The following FRMD4A variants were observed in gnomAD, a reference collection of about 807,000 sequenced individuals.
The protein encoded by FRMD4A is FERM domain-containing protein 4A.
Under a neutral mutation model 129.1 loss-of-function variants are expected in FRMD4A, and 29 were observed. That is an observed-to-expected ratio of 0.22 (90% confidence interval 0.17 to 0.31). The LOEUF (loss-of-function observed/expected upper bound fraction) is 0.31, where lower values mean the gene tolerates loss of function less well. Among genes scored for constraint, FRMD4A ranks in the 10% least tolerant of loss-of-function variants. The pLI, the probability that FRMD4A is intolerant of heterozygous loss-of-function variation, is 1.00. For synonymous variants in FRMD4A, 634 were observed against 571.6 expected (o/e 1.11, Z -1.56); for missense variants, 1,272 against 1,375.8 (o/e 0.92, Z 1.19).
chr10:13,822,347 G>A (rs539014570), intron 3 of FRMD4A, among the ~76,000 whole-genome samples: 2 of 152,282 alleles, frequency 1.3e-5, no homozygotes, highest in South Asian at 2.1e-4. Context: ...TTCAGATCTA[G>A]CAAATAACAG....
chr10:13,761,200 T>G (rs918166308), intron 8 of FRMD4A, among the ~76,000 whole-genome samples: 23 of 152,362 alleles, frequency 1.5e-4, no homozygotes, highest in African/African-American at 4.6e-4. Flanking sequence ...TTGTAACATT[T>G]TCACGAATGA....
intron 2 of FRMD4A, among the ~76,000 whole-genome samples, chr10:14,071,356 A>T (rs901548651): frequency 1.3e-5 from 2 of 152,244 alleles, no homozygotes; most frequent in Non-Finnish European, 2.9e-5. Flanking sequence ...AACAGAGTTC[A>T]TATTAACAGT....
rs752915646 is a variant in FRMD4A at position 13,737,810 on chromosome 10, G to C, written c.759+34C>G. 3.5e-6 allele frequency: 4 copies of C among 1,152,822 alleles called. No homozygotes were observed. In the East Asian group the frequency reaches 7.0e-5, roughly 20 times the overall value. 71.4% of individuals were successfully genotyped at this position (1,152,822 alleles called of 1,614,324 possible). A position where few individuals can be genotyped will look rare whatever the true frequency, so the allele number is the denominator to read the frequency against. On this transcript the variant is annotated intron_variant, in intron 12 of 24. Transcript: ENST00000357447. Reference sequence around the variant, plus strand: ...TACGCCTGTTCCTCTCTGGATCTGAGAGGAGTTAAACCCAAGCAGGAGACC... The same window carrying C: ...TACGCCTGTTCCTCTCTGGATCTGACAGGAGTTAAACCCAAGCAGGAGACC...
chr10:13,777,028 T>G (rs527504965), intron 6 of FRMD4A, among the ~76,000 whole-genome samples: 60 of 152,340 alleles, frequency 3.9e-4, no homozygotes, highest in Non-Finnish European at 7.4e-4. Flanking sequence ...CCTTATAACA[T>G]CCTTGCTCAA....
chr10:13,880,429 G>C (rs2094533866), intron 2 of FRMD4A, among the ~76,000 whole-genome samples: 1 of 152,150 alleles, frequency 6.6e-6, no homozygotes, highest in Non-Finnish European at 1.5e-5. Flanking sequence ...GTCATCATTT[G>C]TCTGGATTCT....
At chr10:13,926,291 G>T (rs1035855851) in intron 2 of FRMD4A, among the ~76,000 whole-genome samples, 10 of 152,196 alleles carry the variant, frequency 6.6e-5, no homozygotes, top group African/African-American at 2.4e-4. Context: ...GGGGTTATTT[G>T]CAGCCAGACT....
At chr10:14,173,917 A>G (rs1201313430) in intron 2 of FRMD4A, among the ~76,000 whole-genome samples, 2 of 151,804 alleles carry the variant, frequency 1.3e-5, no homozygotes, top group African/African-American at 4.8e-5. Flanking sequence ...CTAGTTCTGA[A>G]ATGAGACAAA....
intron 2 of FRMD4A, among the ~76,000 whole-genome samples, chr10:14,182,726 C>A (rs1841954184): frequency 6.6e-6 from 1 of 152,164 alleles, no homozygotes; most frequent in Non-Finnish European, 1.5e-5. Context: ...CGACCGGGGG[C>A]TCTGCCCTGA....
chr10:14,169,750 C>T (rs1589119540), intron 2 of FRMD4A, among the ~76,000 whole-genome samples: 2 of 152,206 alleles, frequency 1.3e-5, no homozygotes, highest in Middle Eastern at 3.4e-3. Context: ...TTAATCTAAA[C>T]CTGTCATTCT....
At chr10:14,131,505 A>G (rs1472221902) in intron 2 of FRMD4A, among the ~76,000 whole-genome samples, 1 of 151,788 alleles carries the variant, frequency 6.6e-6, no homozygotes, top group Non-Finnish European at 1.5e-5. Flanking sequence ...CTGTCGGGAA[A>G]GACACAGATT....
intron 2 of FRMD4A, among the ~76,000 whole-genome samples, chr10:14,214,723 A>G (rs1843022589): frequency 6.6e-6 from 1 of 152,138 alleles, no homozygotes; most frequent in Non-Finnish European, 1.5e-5. Context: ...TATATTTCCC[A>G]TGTGCCTAGA....
chr10:13,875,095 T>C (rs1277605399), intron 2 of FRMD4A, among the ~76,000 whole-genome samples: 2 of 152,014 alleles, frequency 1.3e-5, no homozygotes, highest in African/African-American at 2.4e-5. Context: ...GGAGAGAACA[T>C]AGAATGTTCT....
intron 12 of FRMD4A, among the ~76,000 whole-genome samples, chr10:13,734,554 C>G (rs540321226): frequency 6.6e-6 from 1 of 152,266 alleles, no homozygotes; most frequent in Admixed American, 6.5e-5. Context: ...TGGCCTCTCC[C>G]CTGCATGCCT....
At position 14,330,658 on chromosome 10, in the gene FRMD4A, A is replaced by G; in HGVS notation, c.-143T>C. 1 of 397,684 alleles carries G rather than the reference A, an allele frequency of 2.5e-6. No individual in the cohort carries two copies. The highest frequency in any genetic ancestry group is 4.4e-6 in the Non-Finnish European group (1 of 225,892). 24.6% of individuals were successfully genotyped at this position (397,684 alleles called of 1,614,324 possible). On this transcript the variant is annotated 5_prime_UTR_variant, in exon 1 of 25. Transcript: ENST00000357447. Reference sequence around the variant, plus strand: ...TAGGTGTGTCCCTTTTTGCAAAATCAGATATCTGGGAGTGAGACAGCCGAG... The same window carrying G: ...TAGGTGTGTCCCTTTTTGCAAAATCGGATATCTGGGAGTGAGACAGCCGAG...
chr10:14,186,280 T>C (rs1187596021), intron 2 of FRMD4A, among the ~76,000 whole-genome samples: 2 of 152,196 alleles, frequency 1.3e-5, no homozygotes, highest in Non-Finnish European at 2.9e-5. Context: ...TGTCACAGTC[T>C]GAACTACCAC....
At chr10:13,771,533 C>G (rs1372584411) in intron 6 of FRMD4A, among the ~76,000 whole-genome samples, 5 of 152,140 alleles carry the variant, frequency 3.3e-5, no homozygotes, top group Non-Finnish European at 4.4e-5. Context: ...ATCCTTGCTC[C>G]CTTGGAAAGT....
chr10:13,958,489 T>C (rs2095424665), intron 2 of FRMD4A, among the ~76,000 whole-genome samples: 1 of 152,022 alleles, frequency 6.6e-6, no homozygotes, highest in East Asian at 1.9e-4. Context: ...TTCACCGTGT[T>C]AGCCAGGATG....
intron 2 of FRMD4A, among the ~76,000 whole-genome samples, chr10:14,279,331 T>C (rs1239551617): frequency 6.6e-6 from 1 of 151,858 alleles, no homozygotes; most frequent in Non-Finnish European, 1.5e-5. Flanking sequence ...GGATTACAGG[T>C]GCCCACCACC....
At chr10:14,256,698 G>A (rs971583879) in intron 2 of FRMD4A, among the ~76,000 whole-genome samples, 2 of 152,148 alleles carry the variant, frequency 1.3e-5, no homozygotes, top group African/African-American at 4.8e-5. Context: ...TAAAGTATAT[G>A]TGGGCTGGGT....
Sources: allele counts gnomAD v4.1 joint callset (sites outside exome capture counted in the v4.1 genomes callset), GRCh38; gene constraint gnomAD v4.1.1; transcripts MANE v1.5; gene names NCBI Gene and HGNC (gene_info 2026-07-23, HGNC 2026-07-21).